ADAMTS17: variants seen among roughly 807,000 people sequenced by gnomAD.
ADAMTS17 encodes the protein A disintegrin and metalloproteinase with thrombospondin motifs 17.
A neutral mutation model predicts 141.5 loss-of-function variants in ADAMTS17; 113 were observed. The ratio of observed to expected loss-of-function variants is 0.80; its 90% CI spans 0.69 to 0.93. The LOEUF is 0.93. Among genes scored for constraint, ADAMTS17 ranks in the 40% least tolerant of loss-of-function variants. The probability of loss-of-function intolerance (pLI) is 0.00; values close to 1 mark genes in which losing one functional copy is unlikely to be tolerated. For missense variants in ADAMTS17, 1,659 were observed against 1,517.9 expected (o/e 1.09, Z -1.54); for synonymous variants, 768 against 630.6 (o/e 1.22, Z -3.27).
chr15:100,025,042 T>TAAA (rs2061479947), intron 18 of ADAMTS17, among the ~76,000 whole-genome samples: 1 of 152,212 alleles, frequency 6.6e-6, no homozygotes, highest in African/African-American at 2.4e-5. Context: ...AGATCGGTCT[T>TAAA]GGGTTGAGAG....
rs994281689 is a variant in ADAMTS17, at chr15:100,116,950, C to T, written c.1785G>A (p.Leu595=). Residue 595 remains leucine (L), a synonymous_variant, in exon 13 of 22, where the codon CTG becomes CTA. Transcript: ENST00000268070. ...ASVEHAVCEN[L]PCPKGLPSFR... is the part of the protein sequence containing the mutation. ...AGCTGGGCAGACCCTTGGGGCAGGG[C>T]AGGTTCTCGCAGACCGCATGTTCTA... is the stretch of plus-strand genomic sequence containing the variant. 6.2e-7 allele frequency: 1 copy of T among 1,613,930 alleles called. No individual in the cohort carries two copies. The highest frequency in any genetic ancestry group is 1.3e-5 in the African/African-American group (1 of 74,902).
At chr15:100,072,257 G>A (rs1596347258) in intron 15 of ADAMTS17, among the ~76,000 whole-genome samples, 1 of 147,402 alleles carries the variant, frequency 6.8e-6, no homozygotes, top group African/African-American at 2.5e-5. Flanking sequence ...AAATAAAAGA[G>A]GATACAAACA....
At chr15:100,129,313 C>T (rs1159211060) in intron 12 of ADAMTS17, 1 of 152,258 alleles carries the variant, frequency 6.6e-6, no homozygotes, top group Non-Finnish European at 1.5e-5. Context: ...GCAACTGGTA[C>T]CATCCTCGTT....
Position 99,976,212 on chromosome 15 carries a change from G to T in ADAMTS17, c.2960C>A (p.Thr987Asn). 6.5e-7 allele frequency: 1 copy of T among 1,546,234 alleles called. No individual in the cohort carries two copies. Residue 987 changes from threonine to asparagine, a missense_variant, in exon 21 of 22, where the codon ACC (threonine) becomes AAC (asparagine). By Grantham distance (65) the Thr-to-Asn change is moderately conservative (BLOSUM62 0). Coordinates refer to ENST00000268070, the MANE Select transcript of ADAMTS17 (RefSeq NM_139057.4). ...CCGGGACTGCAGGCCCTTCCCGCAG[G>T]TCGACGAGCACTGCAGAGACAGGAC... ...KTGDWSTCSS[T>N]CGKGLQSRVV...
At chr15:100,029,070 C>T (rs1416449961) in intron 18 of ADAMTS17, among the ~76,000 whole-genome samples, 4 of 152,200 alleles carry the variant, frequency 2.6e-5, no homozygotes, top group Admixed American at 2.0e-4. Context: ...CTGCATGCCT[C>T]AGTGCACTTG....
chr15:100,309,722 G>A (rs1052611363), intron 3 of ADAMTS17, among the ~76,000 whole-genome samples: 1 of 152,154 alleles, frequency 6.6e-6, no homozygotes, highest in African/African-American at 2.4e-5. Flanking sequence ...GCTTCCCCAG[G>A]GAGCATCCCC....
chr15:99,976,044 C>A lies in ADAMTS17; in HGVS notation c.3127+1G>T. The A allele has an allele frequency of 6.5e-7, 1 of 1,549,712 alleles. No individual in the cohort carries two copies. Among genetic ancestry groups the A allele is most frequent in the Non-Finnish European group, 8.7e-7 (1 of 1,145,848 alleles). On this transcript the variant is annotated splice_donor_variant, in intron 21 of 21. Coordinates refer to ENST00000268070, the MANE Select transcript of ADAMTS17 (RefSeq NM_139057.4). LOFTEE classifies it high-confidence loss of function. ...GAACCGGGGCCAGTGAAGACACTCACCAAGGCGGGGGGAGGTGATGGTGTT... is the reference window on the plus strand; with the variant it reads ...GAACCGGGGCCAGTGAAGACACTCAACAAGGCGGGGGGAGGTGATGGTGTT...
chr15:100,119,043 T>TACACACACACACACACACACACACACAC (rs60655404), intron 12 of ADAMTS17, among the ~76,000 whole-genome samples: 1,496 of 148,586 alleles, frequency 0.01, 29 homozygotes, highest in Admixed American at 0.04. Context: ...CATCTGGAGA[T>TACACACACACACACACACACACACACAC]ACACACACAC....
intron 6 of ADAMTS17, among the ~76,000 whole-genome samples, chr15:100,258,571 C>T (rs113138846): frequency 0.06 from 9,134 of 152,142 alleles, 464 homozygotes; most frequent in African/African-American, 0.13. Context: ...AGAGCTTGTG[C>T]AGGGAAACAC....
chr15:100,173,404 C>G (rs954837707), intron 8 of ADAMTS17, among the ~76,000 whole-genome samples: 2 of 152,132 alleles, frequency 1.3e-5, no homozygotes, highest in African/African-American at 4.8e-5. Flanking sequence ...GCTAGAGTTT[C>G]TGGACACCCT....
intron 14 of ADAMTS17, among the ~76,000 whole-genome samples, chr15:100,100,613 G>C (rs145310694): frequency 0.011 from 1,527 of 139,098 alleles, 36 homozygotes; most frequent in African/African-American, 0.039. Flanking sequence ...GTTAGTTGGT[G>C]AGCTTGGGTT....
rs767074176 is a variant in ADAMTS17 at position 100,132,141 on chromosome 15, C to T, written c.1587G>A (p.Ala529=). 3.6e-5 allele frequency: 58 copies of T among 1,613,478 alleles called. No individual in the cohort carries two copies. The Middle Eastern group carries it at 6.6e-4, about 18-fold the overall frequency. ...TECGADKWCR[A]GECVSKTPIP... ...TGGGCGTCTTGCTCACGCACTCCCCCGCGCGGCACCACTGAAACACAGCGG... is the reference window on the plus strand; with the variant it reads ...TGGGCGTCTTGCTCACGCACTCCCCTGCGCGGCACCACTGAAACACAGCGG... Residue 529 remains alanine, a synonymous_variant, in exon 12 of 22, where the codon GCG becomes GCA. Coordinates refer to ENST00000268070, the MANE Select transcript of ADAMTS17 (RefSeq NM_139057.4).
chr15:99,988,937 C>G (rs1467246252), intron 20 of ADAMTS17, among the ~76,000 whole-genome samples: 1 of 152,168 alleles, frequency 6.6e-6, no homozygotes, highest in Non-Finnish European at 1.5e-5. Context: ...TTTGCAGCTC[C>G]TTGTACCAGG....
intron 15 of ADAMTS17, among the ~76,000 whole-genome samples, chr15:100,061,822 C>T (rs2033144473): frequency 6.6e-6 from 1 of 152,200 alleles, no homozygotes; most frequent in African/African-American, 2.4e-5. Flanking sequence ...TTGGAATACC[C>T]AGACTGCGAA....
At chr15:100,262,479 T>C in intron 4 of ADAMTS17, 44 bp from the exon 5 acceptor site, 1 of 1,532,678 alleles carries the variant, frequency 6.5e-7, no homozygotes, top group Non-Finnish European at 8.9e-7. Flanking sequence ...AGATAAAAAA[T>C]TTTAAAAATA....
At chr15:100,001,711 C>T (rs956213262) in intron 18 of ADAMTS17, among the ~76,000 whole-genome samples, 2 of 152,016 alleles carry the variant, frequency 1.3e-5, no homozygotes, top group African/African-American at 4.8e-5. Flanking sequence ...TGGCTCACAC[C>T]TATAATCCCA....
intron 12 of ADAMTS17, among the ~76,000 whole-genome samples, chr15:100,118,024 C>T (rs2037247965): frequency 6.6e-6 from 1 of 152,192 alleles, no homozygotes; most frequent in Non-Finnish European, 1.5e-5. Context: ...AGCAAGACCA[C>T]CCTGTGATTG....
At position 100,199,335 on chromosome 15, in the gene ADAMTS17, G is replaced by C. The variant is rs759394445; in HGVS notation, c.1164C>G (p.Ala388=). Reference sequence around the variant, plus strand: ...ATACTTACTTGTGGCCCAGCTCATGGGCGATGGTAAAGGCCAAATTGAGAC... The same window carrying C: ...ATACTTACTTGTGGCCCAGCTCATGCGCGATGGTAAAGGCCAAATTGAGAC... ...DNGLNLAFTI[A]HELGHNLGMN... is the part of the protein sequence containing the mutation. Residue 388 remains alanine, a synonymous_variant, in exon 8 of 22, where the codon GCC becomes GCG. Transcript: ENST00000268070. 4.3e-6 allele frequency: 7 copies of C among 1,614,214 alleles called. No individual in the cohort carries two copies. The highest frequency in any genetic ancestry group is 5.9e-6 in the Non-Finnish European group (7 of 1,180,036).
At chr15:100,061,228 G>C (rs1178442299) in intron 15 of ADAMTS17, among the ~76,000 whole-genome samples, 3 of 152,248 alleles carry the variant, frequency 2.0e-5, no homozygotes, top group Non-Finnish European at 4.4e-5. Context: ...ATTGGACAGA[G>C]TAATTCTGAG....
Sources: allele counts gnomAD v4.1 joint callset (sites outside exome capture counted in the v4.1 genomes callset), GRCh38; gene constraint gnomAD v4.1.1; transcripts MANE v1.5; gene names NCBI Gene and HGNC (gene_info 2026-07-23, HGNC 2026-07-21).